Variants in NPSR1 observed in about 807,000 individuals in gnomAD.
The protein encoded by NPSR1 is neuropeptide S receptor 1, also known as neuropeptide S receptor.
A neutral mutation model predicts 46.9 loss-of-function variants in NPSR1; 48 were observed. The ratio of observed to expected loss-of-function variants is 1.02; its 90% confidence interval spans 0.81 to 1.30. The LOEUF is 1.30. Among genes scored for constraint, NPSR1 ranks in the 50% most tolerant of loss-of-function variants. NPSR1 has a pLI of 0.00. For missense variants in NPSR1, 450 were observed against 449.5 expected (o/e 1.00, Z -0.01); for synonymous variants, 176 against 168.1 (o/e 1.05, Z -0.36).
intron 1 of NPSR1, among the ~76,000 whole-genome samples, chr7:34,681,682 A>T (rs1792642670): frequency 6.6e-6 from 1 of 152,176 alleles, no homozygotes; most frequent in Non-Finnish European, 1.5e-5. Flanking sequence ...TAGGTGACCC[A>T]CTAGAGCTGT....
chr7:34,661,591 C>T (rs1279608180), intron 1 of NPSR1, among the ~76,000 whole-genome samples: 1 of 152,186 alleles, frequency 6.6e-6, no homozygotes, highest in Non-Finnish European at 1.5e-5. Context: ...CACCTCCACC[C>T]TTGAATTCTG....
intron 3 of NPSR1, among the ~76,000 whole-genome samples, chr7:34,791,256 T>C (rs2128743604): frequency 8.0e-6 from 1 of 125,198 alleles, no homozygotes; most frequent in East Asian, 2.3e-4. Flanking sequence ...ATATGTTATA[T>C]ATTATATGTT....
At chr7:34,710,042 T>C (rs1783194820) in intron 2 of NPSR1, among the ~76,000 whole-genome samples, 1 of 152,196 alleles carries the variant, frequency 6.6e-6, no homozygotes, top group Admixed American at 6.5e-5. Context: ...GCAAAACACC[T>C]ATTTTGGTGC....
chr7:34,736,404 A>G (rs763044565), intron 2 of NPSR1, among the ~76,000 whole-genome samples: 1 of 152,002 alleles, frequency 6.6e-6, no homozygotes, highest in Non-Finnish European at 1.5e-5. Flanking sequence ...AGTCATTTTT[A>G]TAAGTCTCTT....
chr7:34,801,714 G>T (rs1279048273), intron 3 of NPSR1, among the ~76,000 whole-genome samples: 21 of 147,190 alleles, frequency 1.4e-4, no homozygotes, highest in Non-Finnish European at 2.7e-4. Flanking sequence ...GGAAGTTCTG[G>T]CCAGGGCAAT....
At chr7:34,820,583 G>A (rs928442131) in intron 4 of NPSR1, among the ~76,000 whole-genome samples, 1 of 152,138 alleles carries the variant, frequency 6.6e-6, no homozygotes, top group African/African-American at 2.4e-5. Context: ...AATGGACAAA[G>A]CCCTCAGGAG....
chr7:34,844,852 C>A, intron 6 of NPSR1, 44 bp from the exon 7 acceptor site: 1 of 1,189,586 alleles, frequency 8.4e-7, no homozygotes, highest in Non-Finnish European at 1.3e-6. Flanking sequence ...GAAACTGTCA[C>A]ATCTTGAACA....
intron 6 of NPSR1, among the ~76,000 whole-genome samples, chr7:34,835,620 A>T (rs1353607981): frequency 1.3e-5 from 2 of 152,174 alleles, no homozygotes; most frequent in Non-Finnish European, 2.9e-5. Flanking sequence ...CACAAGTATT[A>T]TCGGGCACTG....
At chr7:34,662,999 G>A (rs10269284) in intron 1 of NPSR1, among the ~76,000 whole-genome samples, 106 of 150,690 alleles carry the variant, frequency 7.0e-4, no homozygotes, top group African/African-American at 2.5e-3. Flanking sequence ...TTCTGGCTTC[G>A]GGAAGGCATC....
rs1238944782 is a variant in NPSR1, at chr7:34,818,532, T to G, written c.478+6669T>G. 3.9e-5 allele frequency among the ~76,000 whole-genome samples: 6 copies of G among 152,304 alleles called. No homozygotes were observed. The East Asian group carries it at 1.2e-3, about 29-fold the overall frequency. ...AGATTCAGTGCCATCCCCATCAAGC[T>G]ACCAATGACTTTCTTCACAGAATTG... On this transcript the variant is annotated intron_variant, in intron 4 of 8. Transcript: ENST00000360581.
At chr7:34,786,735 C>T (rs753668200) in intron 3 of NPSR1, among the ~76,000 whole-genome samples, 8 of 152,090 alleles carry the variant, frequency 5.3e-5, no homozygotes, top group South Asian at 2.1e-4. Context: ...TTTTGTTCAT[C>T]GTCATCAAAG....
intron 3 of NPSR1, among the ~76,000 whole-genome samples, chr7:34,792,674 T>TAC (rs1491089812): frequency 2.5e-5 from 3 of 120,644 alleles, no homozygotes; most frequent in Non-Finnish European, 3.4e-5. Context: ...TTTATATATA[T>TAC]GTATATATAT....
intron 2 of NPSR1, among the ~76,000 whole-genome samples, chr7:34,706,379 G>T (rs1794111184): frequency 6.6e-6 from 1 of 151,970 alleles, no homozygotes; most frequent in South Asian, 2.1e-4. Context: ...CTGTCTATAT[G>T]TTAGTAATTT....
intron 3 of NPSR1, among the ~76,000 whole-genome samples, chr7:34,792,701 G>GTATA (rs201324666): frequency 4.2e-5 from 3 of 72,216 alleles, no homozygotes; most frequent in East Asian, 3.9e-4. Flanking sequence ...ATATATATAC[G>GTATA]TATATATATA....
intron 1 of NPSR1, among the ~76,000 whole-genome samples, chr7:34,678,032 G>C (rs572336654): frequency 6.6e-6 from 1 of 152,138 alleles, no homozygotes; most frequent in South Asian, 2.1e-4. Flanking sequence ...TCCCACCATG[G>C]AGACGTGGAT....
intron 3 of NPSR1, among the ~76,000 whole-genome samples, chr7:34,799,473 T>A (rs1788365049): frequency 6.6e-6 from 1 of 151,422 alleles, no homozygotes; most frequent in African/African-American, 2.4e-5. Flanking sequence ...CTAAGCATCA[T>A]AAGTGAAGGA....
At chr7:34,854,908 A>T (rs1370165031), downstream of NPSR1, among the ~76,000 whole-genome samples, 1 of 152,184 alleles carries the variant, frequency 6.6e-6, no homozygotes, top group Non-Finnish European at 1.5e-5. Flanking sequence ...AAGCTTCAAC[A>T]CTTCCACGAG....
intron 2 of NPSR1, among the ~76,000 whole-genome samples, chr7:34,721,385 C>T (rs538295339): frequency 1.8e-4 from 28 of 152,266 alleles, no homozygotes; most frequent in African/African-American, 6.0e-4. Context: ...AGAAACCCTT[C>T]CTGAGCTTAA....
intron 3 of NPSR1, among the ~76,000 whole-genome samples, chr7:34,801,532 A>G (rs1023792501): frequency 7.3e-6 from 1 of 136,576 alleles, no homozygotes; most frequent in African/African-American, 3.1e-5. Flanking sequence ...TTCATGCTAA[A>G]AACACTCAAT....
Sources: allele counts gnomAD v4.1 joint callset (sites outside exome capture counted in the v4.1 genomes callset), GRCh38; gene constraint gnomAD v4.1.1; transcripts MANE v1.5; gene names NCBI Gene and HGNC (gene_info 2026-07-23, HGNC 2026-07-21).